The following GNAQ variants were observed in gnomAD, a reference collection of about 807,000 sequenced individuals.
GNAQ encodes G protein subunit alpha q.
Under a neutral mutation model 43.9 loss-of-function variants are expected in GNAQ, and 8 were observed. That is an observed-to-expected ratio of 0.18 (90% CI 0.11 to 0.33). The LOEUF (loss-of-function observed/expected upper bound fraction) is 0.33. GNAQ is among the 10% of genes least tolerant of loss of function. GNAQ has a pLI of 1.00. For synonymous variants in GNAQ, 155 were observed against 170.7 expected (o/e 0.91, Z 0.71); for missense variants, 158 against 450.8 (o/e 0.35, Z 5.88).
chr9:77,921,061 G>C (rs1221218474), intron 2 of GNAQ, among the ~76,000 whole-genome samples: 3 of 152,188 alleles, frequency 2.0e-5, no homozygotes, highest in East Asian at 1.9e-4. Flanking sequence ...AAAGTACTGA[G>C]AGAATGAAAA....
chr9:77,884,439 A>AG (rs1394268902), intron 2 of GNAQ, among the ~76,000 whole-genome samples: 2 of 152,238 alleles, frequency 1.3e-5, no homozygotes, highest in Non-Finnish European at 2.9e-5. Flanking sequence ...GCTTATTTCA[A>AG]GCGGGAAAAA....
At chr9:77,851,376 T>C (rs1827674146) in intron 2 of GNAQ, among the ~76,000 whole-genome samples, 1 of 152,148 alleles carries the variant, frequency 6.6e-6, no homozygotes, top group Non-Finnish European at 1.5e-5. Flanking sequence ...TGTTCAGTGA[T>C]AAGGTTTCTG....
At chr9:77,925,090 C>T (rs968467725) in intron 1 of GNAQ, among the ~76,000 whole-genome samples, 2 of 152,134 alleles carry the variant, frequency 1.3e-5, no homozygotes, top group African/African-American at 4.8e-5. Context: ...TGGGTCCCAA[C>T]AACTGCTCCC....
At chr9:77,929,675 A>C (rs997441202) in intron 1 of GNAQ, among the ~76,000 whole-genome samples, 1 of 152,060 alleles carries the variant, frequency 6.6e-6, no homozygotes, top group Non-Finnish European at 1.5e-5. Context: ...TACTAAAAAT[A>C]CAAAAAAAAA....
chr9:77,925,612 G>A (rs1000999240), intron 1 of GNAQ, among the ~76,000 whole-genome samples: 1 of 152,116 alleles, frequency 6.6e-6, no homozygotes, highest in African/African-American at 2.4e-5. Context: ...TTTCACTCAA[G>A]AACTTAATGT....
chr9:78,006,840 C>T (rs545808264), intron 1 of GNAQ, among the ~76,000 whole-genome samples: 1 of 152,270 alleles, frequency 6.6e-6, no homozygotes, highest in East Asian at 1.9e-4. Flanking sequence ...GGTAAAAGAT[C>T]ACATGAGGTT....
At chr9:77,818,056 T>C (rs1182170618) in intron 2 of GNAQ, among the ~76,000 whole-genome samples, 1 of 152,066 alleles carries the variant, frequency 6.6e-6, no homozygotes, top group African/African-American at 2.4e-5. Context: ...TGTGAGAAAG[T>C]TTCATGTTGA....
intron 5 of GNAQ, among the ~76,000 whole-genome samples, chr9:77,790,888 A>G (rs1826559111): frequency 6.6e-6 from 1 of 152,192 alleles, no homozygotes; most frequent in African/African-American, 2.4e-5. Flanking sequence ...CAGCTGGTAG[A>G]TTCTGATGAG....
chr9:77,821,015 C>T (rs542986873), intron 2 of GNAQ, among the ~76,000 whole-genome samples: 86 of 152,112 alleles, frequency 5.7e-4, no homozygotes, highest in Middle Eastern at 3.4e-3. Context: ...AGACAATACA[C>T]AAGACAATGA....
intron 1 of GNAQ, among the ~76,000 whole-genome samples, chr9:78,023,932 T>C (rs1823943432): frequency 6.6e-6 from 1 of 152,212 alleles, no homozygotes; most frequent in Non-Finnish European, 1.5e-5. Context: ...CACACACATA[T>C]TGTATATGTG....
chr9:77,848,926 A>T (rs1296582479), intron 2 of GNAQ, among the ~76,000 whole-genome samples: 1 of 152,234 alleles, frequency 6.6e-6, no homozygotes, highest in Non-Finnish European at 1.5e-5. Flanking sequence ...GTTAGAGAAG[A>T]CACCGTTCTA....
At chr9:77,824,914 G>A (rs1236331518) in intron 2 of GNAQ, among the ~76,000 whole-genome samples, 3 of 152,166 alleles carry the variant, frequency 2.0e-5, no homozygotes, top group Non-Finnish European at 4.4e-5. Flanking sequence ...AACTCGGAAA[G>A]AAAGTCATTT....
At chr9:77,808,873 AC>A (rs202019235) in intron 3 of GNAQ, among the ~76,000 whole-genome samples, 5,728 of 151,372 alleles carry the variant, frequency 0.038, 320 homozygotes, top group African/African-American at 0.12. Flanking sequence ...CTTAAAAAAA[AC>A]AAAACAAAAC....
At chr9:77,822,146 T>A (rs189087949) in intron 2 of GNAQ, among the ~76,000 whole-genome samples, 1 of 152,142 alleles carries the variant, frequency 6.6e-6, no homozygotes, top group African/African-American at 2.4e-5. Flanking sequence ...GAGCCTAGCA[T>A]TGGGGATATT....
Position 77,900,831 on chromosome 9 carries a change from T to C in GNAQ, c.321+21330A>G, listed in dbSNP as rs143796165. Among the ~76,000 whole-genome samples the C allele has an allele frequency of 4.0e-3, 614 of 152,262 alleles. 7 individuals are homozygous for C. The highest frequency in any genetic ancestry group is 0.014 in the African/African-American group (595 of 41,560). The stretch of plus-strand genomic sequence containing the variant: ...CACTGTCTGTTAAAAGCCGCCTTCT[T>C]CTCAAAACCTTAAACTTCACCAATT... On this transcript the variant is annotated intron_variant, in intron 2 of 6. Transcript: ENST00000286548.
intron 2 of GNAQ, among the ~76,000 whole-genome samples, chr9:77,897,714 C>A (rs564980303): frequency 6.6e-6 from 1 of 152,036 alleles, no homozygotes; most frequent in Admixed American, 6.5e-5. Context: ...ACCAAAAAAA[C>A]GTATGTTTGA....
At chr9:77,937,328 C>T (rs547887304) in intron 1 of GNAQ, among the ~76,000 whole-genome samples, 51 of 152,084 alleles carry the variant, frequency 3.4e-4, no homozygotes, top group Admixed American at 7.9e-4. Context: ...ATCCCAGCTA[C>T]TTGGGAGGCT....
At chr9:77,954,023 T>C (rs954819162) in intron 1 of GNAQ, among the ~76,000 whole-genome samples, 2 of 152,222 alleles carry the variant, frequency 1.3e-5, no homozygotes, top group African/African-American at 4.8e-5. Flanking sequence ...TAAAAACATA[T>C]TTTCTTCCAG....
rs1453926151 is a variant in GNAQ at position 77,863,211 on chromosome 9, GAA to G, written c.322-47443_322-47442del. On this transcript the variant is annotated intron_variant, in intron 2 of 6. Coordinates refer to ENST00000286548, the MANE Select transcript of GNAQ (RefSeq NM_002072.5). The stretch of plus-strand genomic sequence containing the variant: ...GGAAGGAAGGAAGGAAGGAAGGAAG[GAA>G]GGAAGGGAGGAAGGAAGAAAGGAAG... 2.0e-5 allele frequency among the ~76,000 whole-genome samples: 3 copies of G among 151,178 alleles called. No individual in the cohort carries two copies. The East Asian group carries it at 5.8e-4, about 29-fold the overall frequency.
Sources: allele counts gnomAD v4.1 joint callset (sites outside exome capture counted in the v4.1 genomes callset), GRCh38; gene constraint gnomAD v4.1.1; transcripts MANE v1.5; gene names NCBI Gene and HGNC (gene_info 2026-07-23, HGNC 2026-07-21).